The following MOK variants were observed in gnomAD, a reference collection of about 807,000 sequenced individuals.
MOK encodes MOK protein kinase.
In MOK, 59 loss-of-function variants were observed where a neutral mutation model predicts 54.2. The ratio of observed to expected loss-of-function variants is 1.09; its 90% CI spans 0.88 to 1.35. The LOEUF is 1.35. MOK is among the 40% of genes most tolerant of loss of function. MOK has a pLI of 0.00. For missense variants in MOK, 517 were observed against 526.2 expected (o/e 0.98, Z 0.17); for synonymous variants, 210 against 202.7 (o/e 1.04, Z -0.31).
At chr14:102,242,344 T>C (rs1281172653) in intron 7 of MOK, among the ~76,000 whole-genome samples, 2 of 152,202 alleles carry the variant, frequency 1.3e-5, no homozygotes, top group Non-Finnish European at 2.9e-5. Context: ...CCTTTTTAGT[T>C]ATCCTCACCT....
downstream of MOK, among the ~76,000 whole-genome samples, chr14:102,222,055 C>T (rs2063952595): frequency 6.6e-6 from 1 of 152,202 alleles, no homozygotes. The surrounding 1 kb of genome is among the most constrained non-coding windows in gnomAD (Gnocchi z 4.4). Flanking sequence ...CCCAAGGTCA[C>T]ACCAGTATTG....
rs537349523 is a variant in MOK, at chr14:102,285,489, G to C, written c.8-1897C>G. 4.6e-5 allele frequency among the ~76,000 whole-genome samples: 7 copies of C among 152,278 alleles called. No individual in the cohort carries two copies. The South Asian group carries it at 1.4e-3, about 32-fold the overall frequency. ...ATTTGAACAAACCATCGGTAAAAAG[G>C]TACTCATTTTTCAGAAGTGATAACG... On this transcript the variant is annotated intron_variant, in intron 1 of 11. Coordinates refer to ENST00000361847, the MANE Select transcript of MOK (RefSeq NM_014226.3).
rs2064383789 is a variant in MOK at position 102,229,002 on chromosome 14, G to C, written c.*287C>G. The stretch of plus-strand genomic sequence containing the variant: ...ACAGAAATGCCTGCTCGTTTGTTTT[G>C]ATTCATATACAAAGTTACAAAGTAT... On this transcript the variant is annotated 3_prime_UTR_variant, in exon 12 of 12. Transcript: ENST00000361847. The C allele has an allele frequency of 4.5e-6, 2 of 446,568 alleles. No homozygotes were observed. The highest frequency in any genetic ancestry group is 4.0e-5 in the Admixed American group (1 of 24,962). The allele number at this position is 446,568 out of a possible 1,614,324, so 27.7% of individuals were successfully genotyped here.
chr14:102,277,352 G>A (rs1237155866), intron 2 of MOK: 1 of 152,178 alleles, frequency 6.6e-6, no homozygotes, highest in Non-Finnish European at 1.5e-5. Flanking sequence ...GCCAGGTGCA[G>A]TTGCTCACAC....
At chr14:102,288,265 G>A (rs1190464833) in intron 1 of MOK, among the ~76,000 whole-genome samples, 1 of 152,188 alleles carries the variant, frequency 6.6e-6, no homozygotes, top group Non-Finnish European at 1.5e-5. Flanking sequence ...CATAATATCT[G>A]AAAGGTGGAA....
chr14:102,264,210 CAAA>C (rs66463478), intron 3 of MOK: 1,361 of 88,682 alleles, frequency 0.015, 14 homozygotes, highest in African/African-American at 0.043. Context: ...GACCCTGTCT[CAAA>C]AAAAAAAAAA....
Position 102,249,242 on chromosome 14 carries a change from T to C in MOK, c.590+1570A>G, listed in dbSNP as rs2090110349. Among the ~76,000 whole-genome samples, 1 of 152,180 alleles carries C rather than the reference T, an allele frequency of 6.6e-6. No homozygotes were observed. Among genetic ancestry groups the C allele is most frequent in the Non-Finnish European group, 1.5e-5 (1 of 68,042 alleles). ...GTTCAGCATGATGTCTGTGGTGAAA[T>C]GTGACTAATTCACAGTAACCGTGAT... On this transcript the variant is annotated intron_variant, in intron 7 of 11. Transcript: ENST00000361847. The surrounding 1 kb of genome is among the most constrained non-coding windows in gnomAD (Gnocchi z 5.3).
intron 4 of MOK, among the ~76,000 whole-genome samples, chr14:102,258,901 C>T (rs1480839832): frequency 6.6e-6 from 1 of 152,008 alleles, no homozygotes; most frequent in Non-Finnish European, 1.5e-5. Flanking sequence ...CCCGTCTCTA[C>T]TAAAAGGACA....
intron 1 of MOK, among the ~76,000 whole-genome samples, chr14:102,288,623 G>A (rs1203414089): frequency 6.6e-6 from 1 of 152,164 alleles, no homozygotes; most frequent in East Asian, 1.9e-4. Flanking sequence ...TTAGATTATA[G>A]TTATAGTTAC....
At position 102,229,263 on chromosome 14, in the gene MOK, G is replaced by T. The variant is rs759037593; in HGVS notation, c.*26C>A. 3.2e-6 allele frequency: 5 copies of T among 1,564,446 alleles called. No homozygotes were observed. In the Admixed American group the frequency reaches 7.1e-5, roughly 22 times the overall value. ...CCCGGTCGGGCTTGGTGTTGCCTCC[G>T]AAGTCGAGACGACGGTGCTGCTCAG... On this transcript the variant is annotated 3_prime_UTR_variant, in exon 12 of 12. Coordinates refer to ENST00000361847, the MANE Select transcript of MOK (RefSeq NM_014226.3).
chr14:102,217,012 C>T, the MOK span, among the ~76,000 whole-genome samples: 1 of 152,314 alleles, frequency 6.6e-6, no homozygotes, highest in East Asian at 1.9e-4. Flanking sequence ...TCTCTGGAGA[C>T]GAATGGACCA....
intron 1 of MOK, among the ~76,000 whole-genome samples, chr14:102,287,314 C>T (rs2070236568): frequency 6.6e-6 from 1 of 152,030 alleles, no homozygotes; most frequent in South Asian, 2.1e-4. Context: ...ACTACAAATA[C>T]AAAACTTGGC....
rs188118564 is a variant in MOK at position 102,276,048 on chromosome 14, G to C, written c.122+7430C>G. 8.9e-4 allele frequency among the ~76,000 whole-genome samples: 135 copies of C among 152,272 alleles called. 1 individual carries two copies. The highest frequency in any genetic ancestry group is 2.9e-3 in the Admixed American group (45 of 15,268). On this transcript the variant is annotated intron_variant, in intron 2 of 11. Coordinates refer to ENST00000361847, the MANE Select transcript of MOK (RefSeq NM_014226.3). ...GTACATGATCAAGTGTTTATCATTA[G>C]TCATCGGGGAAGTAGAAACTAAAAC...
intron 1 of MOK, among the ~76,000 whole-genome samples, chr14:102,300,351 G>A (rs549562564): frequency 1.4e-5 from 2 of 146,590 alleles, no homozygotes; most frequent in Admixed American, 1.4e-4. Context: ...AAAAAAGCCT[G>A]GGCTGGGCAA....
chr14:102,224,499 A>G (rs1204172779), downstream of MOK: 2 of 444,076 alleles, frequency 4.5e-6, no homozygotes, highest in Non-Finnish European at 9.0e-6. Context: ...ATACAACTGG[A>G]TCCTTCGAAA....
intron 2 of MOK, among the ~76,000 whole-genome samples, chr14:102,273,587 G>A (rs896803387): frequency 6.6e-6 from 1 of 152,090 alleles, no homozygotes; most frequent in Non-Finnish European, 1.5e-5. Context: ...AGACCAGCCT[G>A]GCCAACATGA....
At chr14:102,294,378 G>A (rs545806542) in intron 1 of MOK, among the ~76,000 whole-genome samples, 4 of 151,536 alleles carry the variant, frequency 2.6e-5, no homozygotes, top group Admixed American at 1.3e-4. Flanking sequence ...CCCGGGAGGC[G>A]GAGCTGGCAG....
At chr14:102,266,078 C>T (rs2067880493) in intron 2 of MOK, among the ~76,000 whole-genome samples, 166 bp from the exon 3 acceptor site, 1 of 152,080 alleles carries the variant, frequency 6.6e-6, no homozygotes, top group Admixed American at 6.5e-5. Flanking sequence ...TACCTCATTG[C>T]TGCATTAAAA....
chr14:102,288,414 A>G (rs2070384088), intron 1 of MOK, among the ~76,000 whole-genome samples: 1 of 152,216 alleles, frequency 6.6e-6, no homozygotes, highest in Non-Finnish European at 1.5e-5. Context: ...ACATTATGCT[A>G]AGTGAAAGAA....
Sources: gnomAD v4.1 joint callset for allele counts (sites outside exome capture counted in the v4.1 genomes callset) on GRCh38, gnomAD v4.1.1 for gene constraint, Gnocchi (gnomAD v3.1) non-coding constraint, MANE v1.5 for transcripts, NCBI Gene and HGNC (gene_info 2026-07-23, HGNC 2026-07-21) for gene names.